The following SHISA6 variants were observed in gnomAD, a reference collection of about 807,000 sequenced individuals.
SHISA6 encodes the protein protein shisa-6.
A neutral mutation model predicts 47.9 loss-of-function variants in SHISA6; 22 were observed. The ratio of observed to expected loss-of-function variants is 0.46; its 90% confidence interval spans 0.33 to 0.66. The LOEUF (loss-of-function observed/expected upper bound fraction) is 0.66, where lower values mean the gene tolerates loss of function less well. Ranked by LOEUF, SHISA6 falls within the 30% of genes least tolerant of loss-of-function variation. The pLI is 0.02. For synonymous variants in SHISA6, 388 were observed against 337.8 expected, an observed-to-expected ratio of 1.15 and a Z score of -1.63; for missense variants, 680 against 764.6, an observed-to-expected ratio of 0.89 and a Z score of 1.30.
chr17:11,293,025 A>G (rs1909608406), intron 2 of SHISA6, among the ~76,000 whole-genome samples: 1 of 151,782 alleles, frequency 6.6e-6, no homozygotes, highest in Non-Finnish European at 1.5e-5. Flanking sequence ...GGGTTTCTCC[A>G]TGTTCATCAG....
At chr17:11,287,363 A>G (rs1909345042) in intron 2 of SHISA6, among the ~76,000 whole-genome samples, 1 of 152,062 alleles carries the variant, frequency 6.6e-6, no homozygotes. Flanking sequence ...TTTTAGAATG[A>G]GATTGTACTT....
At chr17:11,311,236 C>T (rs1203696745) in intron 2 of SHISA6, among the ~76,000 whole-genome samples, 6 of 145,512 alleles carry the variant, frequency 4.1e-5, no homozygotes, top group Admixed American at 2.1e-4. Flanking sequence ...GAGCCAATAT[C>T]GCACCACTGC....
intron 2 of SHISA6, among the ~76,000 whole-genome samples, chr17:11,339,080 A>G (rs1911428752): frequency 6.6e-6 from 1 of 152,156 alleles, no homozygotes; most frequent in Non-Finnish European, 1.5e-5. Flanking sequence ...ACATTCATAT[A>G]ATGCAGCATA....
chr17:11,382,126 A>G (rs1476778), intron 3 of SHISA6, among the ~76,000 whole-genome samples: 53,299 of 151,976 alleles, frequency 0.35, 9,598 homozygotes, highest in Middle Eastern at 0.41. Flanking sequence ...AGGCTGAAGT[A>G]CAGTGGCACA....
intron 2 of SHISA6, among the ~76,000 whole-genome samples, chr17:11,355,446 GTTCAAGAGA>G (rs1912049682): frequency 6.6e-6 from 1 of 152,090 alleles, no homozygotes; most frequent in South Asian, 2.1e-4. Context: ...AATTTACTTG[GTTCAAGAGA>G]TTATGGGAAT....
chr17:11,442,422 T>G (rs1291883647), intron 3 of SHISA6, among the ~76,000 whole-genome samples: 2 of 152,040 alleles, frequency 1.3e-5, no homozygotes, highest in African/African-American at 4.8e-5. Flanking sequence ...GAGCCCTGCT[T>G]CTGAGAGACC....
intron 3 of SHISA6, among the ~76,000 whole-genome samples, chr17:11,382,976 A>G (rs1165579759): frequency 2.7e-5 from 3 of 110,050 alleles, no homozygotes; most frequent in African/African-American, 1.1e-4. Context: ...TCACTCTGCC[A>G]CCTAAGGCTG....
intron 3 of SHISA6, among the ~76,000 whole-genome samples, chr17:11,433,183 CA>C (rs1183335020): frequency 6.6e-6 from 1 of 152,096 alleles, no homozygotes; most frequent in Non-Finnish European, 1.5e-5. Context: ...CTGCACCCAT[CA>C]ACCCGTCATC....
intron 3 of SHISA6, among the ~76,000 whole-genome samples, chr17:11,438,326 G>T (rs1213652779): frequency 1.3e-5 from 2 of 152,142 alleles, no homozygotes; most frequent in African/African-American, 4.8e-5. Context: ...GTATTGGTTT[G>T]CCAGGGCTGC....
At chr17:11,365,558 G>A (rs576258866) in intron 2 of SHISA6, among the ~76,000 whole-genome samples, 177 of 152,262 alleles carry the variant, frequency 1.2e-3, no homozygotes, top group Middle Eastern at 3.4e-3. Flanking sequence ...GATTACAGGC[G>A]TGAGCCACTG....
intron 3 of SHISA6, among the ~76,000 whole-genome samples, chr17:11,524,966 G>GGGT (rs2071663841): frequency 6.6e-6 from 1 of 152,162 alleles, no homozygotes; most frequent in Admixed American, 6.5e-5. Context: ...GATGACGGGG[G>GGGT]GGTAGATGAT....
chr17:11,458,613 G>A (rs1915613156), intron 3 of SHISA6, among the ~76,000 whole-genome samples: 1 of 152,118 alleles, frequency 6.6e-6, no homozygotes, highest in Admixed American at 6.5e-5. Flanking sequence ...GGGCCCCTCT[G>A]CAAACTCTCA....
At chr17:11,507,870 A>G (rs1048793060) in intron 3 of SHISA6, among the ~76,000 whole-genome samples, 2 of 152,194 alleles carry the variant, frequency 1.3e-5, no homozygotes, top group African/African-American at 2.4e-5. Context: ...TCATTGAAAC[A>G]TCTGTTCAAA....
chr17:11,449,438 A>G (rs905047655), intron 3 of SHISA6, among the ~76,000 whole-genome samples: 1 of 151,944 alleles, frequency 6.6e-6, no homozygotes, highest in African/African-American at 2.4e-5. Context: ...GCGAGACTCC[A>G]TCTCTATTAA....
intron 2 of SHISA6, among the ~76,000 whole-genome samples, chr17:11,326,816 C>G (rs1910912415): frequency 6.6e-6 from 1 of 152,242 alleles, no homozygotes; most frequent in Admixed American, 6.5e-5. Flanking sequence ...CTGGGTCACA[C>G]TTTCCTTTCC....
At chr17:11,322,248 G>A (rs749519277) in intron 2 of SHISA6, among the ~76,000 whole-genome samples, 14 of 150,920 alleles carry the variant, frequency 9.3e-5, no homozygotes, top group Admixed American at 4.6e-4. Context: ...TTTTTTTTCA[G>A]TCAAAGAACG....
chr17:11,335,242 C>G (rs935648710), intron 2 of SHISA6, among the ~76,000 whole-genome samples: 3 of 152,204 alleles, frequency 2.0e-5, no homozygotes, highest in African/African-American at 7.2e-5. Context: ...TCGCAGGCCT[C>G]TATTTAGATG....
rs975971942 is a variant in SHISA6 at position 11,419,949 on chromosome 17, A to G, written c.895+40440A>G. ...CTGGGTGCGGTGGCCCACACCTGTA[A>G]TCCCAGCACTTTGGGAGGCTGAGGC... is the stretch of plus-strand genomic sequence containing the variant. On this transcript the variant is annotated intron_variant, in intron 3 of 5. Transcript: ENST00000441885. Among the ~76,000 whole-genome samples, 4 of 152,202 alleles carry G rather than the reference A, an allele frequency of 2.6e-5. No homozygotes were observed. The East Asian group carries it at 7.7e-4, about 29-fold the overall frequency.
intron 2 of SHISA6, among the ~76,000 whole-genome samples, chr17:11,279,302 C>G (rs144113739): frequency 6.6e-6 from 1 of 152,120 alleles, no homozygotes; most frequent in Non-Finnish European, 1.5e-5. Flanking sequence ...TTGCTTTTCT[C>G]TACTTAAGAA....
Sources: allele counts gnomAD v4.1 joint callset (sites outside exome capture counted in the v4.1 genomes callset), GRCh38; gene constraint gnomAD v4.1.1; transcripts MANE v1.5; gene names NCBI Gene and HGNC (gene_info 2026-07-23, HGNC 2026-07-21).